KCNB2: variants seen among roughly 807,000 people sequenced by gnomAD.
The protein encoded by KCNB2 is potassium voltage-gated channel subfamily B member 2, also known as delayed rectifier potassium channel protein.
In KCNB2, 15 loss-of-function variants were observed where a neutral mutation model predicts 61.5. The observed-to-expected ratio is 0.24, with a 90% CI of 0.16 to 0.38. KCNB2 has a LOEUF of 0.38. Ranked by LOEUF, KCNB2 falls within the 10% of genes least tolerant of loss-of-function variation. The pLI is 1.00. For missense variants in KCNB2, 828 were observed against 1,125.2 expected, an observed-to-expected ratio of 0.74 and a Z score of 3.78; for synonymous variants, 457 against 446.0, an observed-to-expected ratio of 1.02 and a Z score of -0.31.
At chr8:72,766,644 C>T (rs562921462) in intron 2 of KCNB2, among the ~76,000 whole-genome samples, 130 of 152,252 alleles carry the variant, frequency 8.5e-4, no homozygotes, top group African/African-American at 2.9e-3. Flanking sequence ...AATGTATTAA[C>T]GCGTGCACTT....
At chr8:72,761,222 A>G (rs1446778602) in intron 2 of KCNB2, among the ~76,000 whole-genome samples, 1 of 152,142 alleles carries the variant, frequency 6.6e-6, no homozygotes, top group Admixed American at 6.5e-5. Flanking sequence ...TCTACCCTGC[A>G]TCCATCCTGG....
At chr8:72,849,334 T>C (rs1406041045) in intron 2 of KCNB2, among the ~76,000 whole-genome samples, 2 of 152,044 alleles carry the variant, frequency 1.3e-5, no homozygotes, top group African/African-American at 2.4e-5. Context: ...TATCATTTAT[T>C]TGTGTTGGGA....
chr8:72,900,123 C>T (rs1436060409), intron 2 of KCNB2, among the ~76,000 whole-genome samples: 1 of 152,150 alleles, frequency 6.6e-6, no homozygotes, highest in African/African-American at 2.4e-5. Flanking sequence ...GTAATCAAAA[C>T]AGCAGGGTCT....
chr8:72,631,324 T>C (rs1170647475), intron 2 of KCNB2, among the ~76,000 whole-genome samples: 1 of 152,186 alleles, frequency 6.6e-6, no homozygotes, highest in Non-Finnish European at 1.5e-5. Context: ...TTGGCAGGGT[T>C]GGTTCCTTTT....
chr8:72,595,294 A>T (rs1807170156), intron 2 of KCNB2, among the ~76,000 whole-genome samples: 1 of 149,202 alleles, frequency 6.7e-6, no homozygotes, highest in Admixed American at 6.7e-5. Context: ...TAATTCCTGA[A>T]ATCCTTGCTA....
chr8:72,650,046 T>C (rs1453315623), intron 2 of KCNB2, among the ~76,000 whole-genome samples: 1 of 152,076 alleles, frequency 6.6e-6, no homozygotes, highest in Non-Finnish European at 1.5e-5. Context: ...CTATGGATCA[T>C]AAAGGAATAA....
chr8:72,651,633 A>G (rs1267154039), intron 2 of KCNB2, among the ~76,000 whole-genome samples: 1 of 152,104 alleles, frequency 6.6e-6, no homozygotes, highest in Non-Finnish European at 1.5e-5. Context: ...TATAAATTTT[A>G]CTAGATAATC....
At chr8:72,688,433 C>T (rs1243195876) in intron 2 of KCNB2, among the ~76,000 whole-genome samples, 1 of 152,032 alleles carries the variant, frequency 6.6e-6, no homozygotes, top group Non-Finnish European at 1.5e-5. Context: ...CTAATTCCTG[C>T]TTAACCTCCT....
At chr8:72,919,188 T>C (rs1563424132) in intron 2 of KCNB2, among the ~76,000 whole-genome samples, 1 of 152,184 alleles carries the variant, frequency 6.6e-6, no homozygotes, top group East Asian at 1.9e-4. Flanking sequence ...TCTATGAGAA[T>C]TTTTCACTTC....
chr8:72,855,326 C>T lies in KCNB2; in HGVS notation c.580-80609C>T, dbSNP rs115765780. On this transcript the variant is annotated intron_variant, in intron 2 of 2. Transcript: ENST00000523207. ...TCTTCACCCCCATCTCACATTTTTT[C>T]CTGTATCATTAAATCTGAGAAATTC... 7.3e-3 allele frequency among the ~76,000 whole-genome samples: 1,108 copies of T among 152,228 alleles called. 14 individuals are homozygous for T. The highest frequency in any genetic ancestry group is 0.02 in the African/African-American group (831 of 41,548).
chr8:72,925,705 G>T (rs576949554), intron 2 of KCNB2, among the ~76,000 whole-genome samples: 1 of 152,152 alleles, frequency 6.6e-6, no homozygotes, highest in Non-Finnish European at 1.5e-5. Context: ...AGATCTAGAG[G>T]CAGAAATACT....
At chr8:72,792,196 T>A (rs1471371635) in intron 2 of KCNB2, among the ~76,000 whole-genome samples, 1 of 152,210 alleles carries the variant, frequency 6.6e-6, no homozygotes, top group African/African-American at 2.4e-5. Context: ...TCCGCCTTGC[T>A]CCAGGATGCC....
intron 2 of KCNB2, among the ~76,000 whole-genome samples, chr8:72,848,852 G>GA (rs1810043993): frequency 6.6e-6 from 1 of 151,938 alleles, no homozygotes; most frequent in Non-Finnish European, 1.5e-5. Flanking sequence ...GTAATGAAAA[G>GA]AACTCACCTT....
intron 2 of KCNB2, among the ~76,000 whole-genome samples, chr8:72,828,424 G>A (rs1282253032): frequency 6.6e-6 from 1 of 152,134 alleles, no homozygotes; most frequent in South Asian, 2.1e-4. Flanking sequence ...TAGCAGAGAA[G>A]TTGGCAGGGG....
intron 2 of KCNB2, among the ~76,000 whole-genome samples, chr8:72,804,499 G>T (rs1809184775): frequency 6.6e-6 from 1 of 152,188 alleles, no homozygotes; most frequent in Non-Finnish European, 1.5e-5. Context: ...ATCTTGTGCT[G>T]ATGAAGATTA....
At chr8:72,779,150 C>T (rs569091252) in intron 2 of KCNB2, among the ~76,000 whole-genome samples, 1 of 152,286 alleles carries the variant, frequency 6.6e-6, no homozygotes, top group East Asian at 1.9e-4. Flanking sequence ...TGAGTAGATG[C>T]CGATCAAGGC....
At chr8:72,797,151 G>A (rs118136391) in intron 2 of KCNB2, among the ~76,000 whole-genome samples, 1 of 152,282 alleles carries the variant, frequency 6.6e-6, no homozygotes, top group Non-Finnish European at 1.5e-5. Context: ...TATGATTCAG[G>A]TGATGCTGGG....
At chr8:72,742,921 T>G (rs760094854) in intron 2 of KCNB2, among the ~76,000 whole-genome samples, 1 of 152,168 alleles carries the variant, frequency 6.6e-6, no homozygotes, top group Admixed American at 6.5e-5. Flanking sequence ...AATGTTGCCA[T>G]TGGGGTTGGG....
At chr8:72,766,829 A>C (rs555966720) in intron 2 of KCNB2, among the ~76,000 whole-genome samples, 1 of 152,324 alleles carries the variant, frequency 6.6e-6, no homozygotes, top group Admixed American at 6.5e-5. Flanking sequence ...GACATGTATT[A>C]GTCCATTTTC....
Sources: allele counts gnomAD v4.1 joint callset (sites outside exome capture counted in the v4.1 genomes callset), GRCh38; gene constraint gnomAD v4.1.1; transcripts MANE v1.5; gene names NCBI Gene and HGNC (gene_info 2026-07-23, HGNC 2026-07-21).